The following C10orf67 variants were observed in gnomAD, a reference collection of about 807,000 sequenced individuals.
C10orf67 encodes uncharacterized protein C10orf67, mitochondrial.
In C10orf67, 60 loss-of-function variants were observed where a neutral mutation model predicts 35.6. That is an observed-to-expected ratio of 1.68 (90% confidence interval 1.37 to 2.09). The LOEUF (loss-of-function observed/expected upper bound fraction) is 2.09, where lower values mean the gene tolerates loss of function less well. C10orf67 is among the 30% of genes most tolerant of loss of function. The pLI, the probability that C10orf67 is intolerant of heterozygous loss-of-function variation, is 0.00. For synonymous variants in C10orf67, 167 were observed against 115.8 expected (o/e 1.44, Z -2.84); for missense variants, 474 against 330.2 (o/e 1.44, Z -3.38).
At chr10:23,329,600 G>A (rs1845350927) in intron 2 of C10orf67, among the ~76,000 whole-genome samples, 1 of 151,834 alleles carries the variant, frequency 6.6e-6, no homozygotes, top group Non-Finnish European at 1.5e-5. Flanking sequence ...GTATTATAGA[G>A]TATAGCCTGG....
At chr10:23,314,335 C>T (rs913072714) in intron 4 of C10orf67, among the ~76,000 whole-genome samples, 2 of 151,616 alleles carry the variant, frequency 1.3e-5, no homozygotes, top group Non-Finnish European at 2.9e-5. Flanking sequence ...AAAACACACA[C>T]GTTTGGCCAG....
chr10:23,334,312 C>T (rs1845590492), intron 1 of C10orf67, among the ~76,000 whole-genome samples: 1 of 152,208 alleles, frequency 6.6e-6, no homozygotes, highest in African/African-American at 2.4e-5. Flanking sequence ...GCATCTCAAA[C>T]AGCATTAAGA....
At chr10:23,303,776 T>C (rs956783452) in intron 4 of C10orf67, among the ~76,000 whole-genome samples, 3 of 152,134 alleles carry the variant, frequency 2.0e-5, no homozygotes, top group African/African-American at 7.2e-5. Context: ...AGATGGAAGA[T>C]TAGGAGAACG....
At chr10:23,311,539 C>T (rs1175018046) in intron 4 of C10orf67, among the ~76,000 whole-genome samples, 1 of 152,044 alleles carries the variant, frequency 6.6e-6, no homozygotes, top group Non-Finnish European at 1.5e-5. Context: ...TGGAGAAACC[C>T]CGTCTCTACT....
At chr10:23,227,077 C>G (rs995786071) in intron 13 of C10orf67, among the ~76,000 whole-genome samples, 1 of 152,312 alleles carries the variant, frequency 6.6e-6, no homozygotes, top group Admixed American at 6.5e-5. Context: ...GGAATCCTCC[C>G]TAACTCATTT....
At chr10:23,329,041 A>AAGAAAGAAAAG (rs1564517160) in intron 2 of C10orf67, among the ~76,000 whole-genome samples, 22 of 150,918 alleles carry the variant, frequency 1.5e-4, no homozygotes, top group African/African-American at 5.1e-4. Flanking sequence ...AAAGAAAAGA[A>AAGAAAGAAAAG]AGAAAGAGTA....
chr10:23,248,064 G>A (rs1842361044), intron 12 of C10orf67, among the ~76,000 whole-genome samples: 1 of 152,182 alleles, frequency 6.6e-6, no homozygotes, highest in Non-Finnish European at 1.5e-5. Flanking sequence ...AGTGAGGGCA[G>A]GAGAAGGGAT....
chr10:23,310,399 G>A (rs1388368573), intron 4 of C10orf67, among the ~76,000 whole-genome samples: 2 of 152,202 alleles, frequency 1.3e-5, no homozygotes, highest in African/African-American at 2.4e-5. Flanking sequence ...TCTGCAATTT[G>A]AGATTCTCCA....
intron 15 of C10orf67, among the ~76,000 whole-genome samples, chr10:23,213,232 T>C (rs1046621553): frequency 4.6e-5 from 7 of 152,150 alleles, no homozygotes; most frequent in Non-Finnish European, 1.0e-4. Flanking sequence ...AAAATGTAGA[T>C]TGGAGGCATG....
rs551660098 is a variant in C10orf67 at position 23,300,135 on chromosome 10, C to T, written c.702+3169G>A. Among the ~76,000 whole-genome samples, 124 of 152,254 alleles carry T rather than the reference C, an allele frequency of 8.1e-4. 4 individuals are homozygous for T. In the South Asian group the frequency reaches 0.022, roughly 28 times the overall value. On this transcript the variant is annotated intron_variant, in intron 5 of 15. Coordinates refer to ENST00000636213, the MANE Select transcript of C10orf67 (RefSeq NM_001371909.1). ...CCCTCAGTCCTGCTGCTCGATCATC[C>T]GGCTAGTGGCTTCTGACTCAGAGGA...
chr10:23,224,798 T>C (rs975275253), intron 13 of C10orf67, among the ~76,000 whole-genome samples: 9 of 152,096 alleles, frequency 5.9e-5, no homozygotes, highest in African/African-American at 2.2e-4. Flanking sequence ...ATCAAATGAA[T>C]GAAATGAAGC....
chr10:23,341,686 C>T (rs948771984), intron 1 of C10orf67, among the ~76,000 whole-genome samples: 3 of 152,212 alleles, frequency 2.0e-5, no homozygotes, highest in Admixed American at 2.0e-4. Context: ...CCACTATTCT[C>T]CCTCTCTGCT....
chr10:23,344,107 G>C (rs1393718196), intron 1 of C10orf67: 1 of 198,692 alleles, frequency 5.0e-6, no homozygotes, highest in Non-Finnish European at 1.1e-5. Flanking sequence ...GGCGAAGCGC[G>C]GGAATCCGTG....
At chr10:23,244,537 C>A (rs1246418928) in intron 12 of C10orf67, among the ~76,000 whole-genome samples, 1 of 151,940 alleles carries the variant, frequency 6.6e-6, no homozygotes, top group African/African-American at 2.4e-5. Context: ...ATACAAAAAT[C>A]AATTGTGTTT....
intron 10 of C10orf67, among the ~76,000 whole-genome samples, chr10:23,258,785 C>T (rs1259129295): frequency 1.3e-5 from 2 of 152,168 alleles, no homozygotes; most frequent in African/African-American, 4.8e-5. Context: ...GGTTTTCCCC[C>T]AGGAATATGG....
intron 5 of C10orf67, among the ~76,000 whole-genome samples, chr10:23,294,603 T>C (rs1368478644): frequency 6.6e-6 from 1 of 152,222 alleles, no homozygotes; most frequent in African/African-American, 2.4e-5. Flanking sequence ...ATTCAGGATG[T>C]TCCCATCTGG....
At chr10:23,277,702 G>A (rs1396803796) in intron 8 of C10orf67, among the ~76,000 whole-genome samples, 3 of 152,068 alleles carry the variant, frequency 2.0e-5, no homozygotes, top group Non-Finnish European at 4.4e-5. Flanking sequence ...GTTTAGTGTT[G>A]TTATTTTCAA....
intron 8 of C10orf67, among the ~76,000 whole-genome samples, chr10:23,278,854 T>C (rs907097046): frequency 2.0e-5 from 3 of 152,202 alleles, no homozygotes; most frequent in Non-Finnish European, 4.4e-5. Context: ...GTAGGGTAGA[T>C]GGCTGCAAGA....
At chr10:23,312,011 A>G (rs1462843032) in intron 4 of C10orf67, among the ~76,000 whole-genome samples, 5 of 152,216 alleles carry the variant, frequency 3.3e-5, no homozygotes, top group Non-Finnish European at 7.3e-5. Context: ...GAAGGTTTTT[A>G]TAATAGAGAT....
Sources: allele counts gnomAD v4.1 joint callset (sites outside exome capture counted in the v4.1 genomes callset), GRCh38; gene constraint gnomAD v4.1.1; transcripts MANE v1.5; gene names NCBI Gene and HGNC (gene_info 2026-07-23, HGNC 2026-07-21).